MCPH1: variants seen among roughly 807,000 people sequenced by gnomAD.
The protein encoded by MCPH1 is microcephalin 1.
A neutral mutation model predicts 84.5 loss-of-function variants in MCPH1; 104 were observed. The observed-to-expected ratio is 1.23, with a 90% CI of 1.05 to 1.45. The LOEUF is 1.45. Among genes scored for constraint, MCPH1 ranks in the 40% most tolerant of loss-of-function variants. The pLI, the probability that MCPH1 is intolerant of heterozygous loss-of-function variation, is 0.00. For missense variants in MCPH1, 1,498 were observed against 1,005.7 expected, an observed-to-expected ratio of 1.49 and a Z score of -6.62; for synonymous variants, 514 against 366.8, an observed-to-expected ratio of 1.40 and a Z score of -4.58.
intron 3 of MCPH1, among the ~76,000 whole-genome samples, chr8:6,420,406 G>A (rs1029352926): frequency 2.0e-5 from 3 of 152,206 alleles, no homozygotes; most frequent in Non-Finnish European, 4.4e-5. Context: ...ACTTGCAGCT[G>A]TGTTGGAATT....
chr8:6,490,968 C>G (rs1000063533), intron 11 of MCPH1, among the ~76,000 whole-genome samples: 1 of 147,916 alleles, frequency 6.8e-6, no homozygotes, highest in African/African-American at 2.5e-5. Flanking sequence ...TGCTATTAAT[C>G]ATTAATAACA....
chr8:6,418,799 C>T lies in MCPH1; in HGVS notation c.233+3916C>T, dbSNP rs545580013. Among the ~76,000 whole-genome samples the T allele has an allele frequency of 2.2e-4, 34 of 152,148 alleles. No homozygotes were observed. The South Asian group carries it at 7.1e-3, about 32-fold the overall frequency. On this transcript the variant is annotated intron_variant, in intron 3 of 13. Transcript: ENST00000344683. ...GTTTCACCATGTTGGCCAGGATGAT[C>T]CTGATCTTCTGACCTCGTGATCTGC...
At chr8:6,559,497 G>A (rs1241839780) in intron 12 of MCPH1, among the ~76,000 whole-genome samples, 1 of 152,116 alleles carries the variant, frequency 6.6e-6, no homozygotes, top group African/African-American at 2.4e-5. Flanking sequence ...TTCTTGTGTT[G>A]TTTAAAAAAC....
At chr8:6,532,227 G>A in intron 12 of MCPH1, 1 of 1,292,268 alleles carries the variant, frequency 7.7e-7, no homozygotes, top group South Asian at 1.3e-5. Flanking sequence ...TCCTGTGGTG[G>A]TGCTTTCTTT....
At chr8:6,542,289 G>A (rs1049086225) in intron 12 of MCPH1, among the ~76,000 whole-genome samples, 1 of 150,272 alleles carries the variant, frequency 6.7e-6, no homozygotes, top group Non-Finnish European at 1.5e-5. Context: ...ATGTGAGGTA[G>A]GGGTGTGTGT....
chr8:6,431,071 CA>C (rs1232886436), intron 3 of MCPH1, among the ~76,000 whole-genome samples: 1 of 152,194 alleles, frequency 6.6e-6, no homozygotes, highest in Non-Finnish European at 1.5e-5. Flanking sequence ...ACAAAAAGGA[CA>C]ACCCAATTTT....
At chr8:6,458,714 G>T (rs3020278) in intron 9 of MCPH1, among the ~76,000 whole-genome samples, 29 of 151,800 alleles carry the variant, frequency 1.9e-4, no homozygotes, top group African/African-American at 6.3e-4. Flanking sequence ...GTGTTATCTC[G>T]GCTCACTGCA....
chr8:6,443,400 G>A (rs1472814967), intron 7 of MCPH1, among the ~76,000 whole-genome samples: 2 of 152,218 alleles, frequency 1.3e-5, no homozygotes, highest in African/African-American at 2.4e-5. Flanking sequence ...AGACACCTGG[G>A]GCACAGTTGG....
At chr8:6,461,311 C>T (rs1291526929) in intron 9 of MCPH1, among the ~76,000 whole-genome samples, 1 of 136,062 alleles carries the variant, frequency 7.3e-6, no homozygotes, top group African/African-American at 2.7e-5. Flanking sequence ...ATACTTGTTT[C>T]AAATTTGTTG....
chr8:6,449,771 C>CT (rs1371901127), intron 8 of MCPH1, among the ~76,000 whole-genome samples: 4 of 152,202 alleles, frequency 2.6e-5, no homozygotes, highest in African/African-American at 9.7e-5. Flanking sequence ...GTTTTAACCT[C>CT]TGACAGCACA....
intron 12 of MCPH1, chr8:6,514,878 C>T (rs529168473): frequency 5.6e-5 from 53 of 946,032 alleles, no homozygotes; most frequent in South Asian, 4.9e-4. Flanking sequence ...AGGACTCAGC[C>T]GAGAGGGTTC....
At chr8:6,514,503 G>A (rs911537503) in intron 12 of MCPH1, among the ~76,000 whole-genome samples, 1 of 152,118 alleles carries the variant, frequency 6.6e-6, no homozygotes, top group Non-Finnish European at 1.5e-5. Context: ...CTTTTGTTTT[G>A]ATACAGTTTA....
rs1798303779 is a variant in MCPH1, at chr8:6,648,146, G to C, written c.*5097G>C. 6.6e-6 allele frequency: 1 copy of C among 152,202 alleles called. No individual in the cohort carries two copies. The highest frequency in any genetic ancestry group is 2.4e-5 in the African/African-American group (1 of 41,442). 9.4% of individuals were successfully genotyped at this position (152,202 alleles called of 1,614,324 possible). ...CCAGCCAATACGTGGGCACAGAAAG[G>C]CACAGGGCATGGCTGATTCAGCCCA... On this transcript the variant is annotated 3_prime_UTR_variant, in exon 14 of 14. Coordinates refer to ENST00000344683, the MANE Select transcript of MCPH1 (RefSeq NM_024596.5).
intron 9 of MCPH1, among the ~76,000 whole-genome samples, chr8:6,456,291 G>A (rs1052307294): frequency 2.0e-5 from 3 of 152,172 alleles, no homozygotes; most frequent in Non-Finnish European, 4.4e-5. Flanking sequence ...GCTCTACAAT[G>A]GCGTTGCGCA....
chr8:6,490,513 C>T (rs983833356), intron 11 of MCPH1, among the ~76,000 whole-genome samples: 2 of 152,086 alleles, frequency 1.3e-5, no homozygotes, highest in South Asian at 2.1e-4. Flanking sequence ...TCTGTGAATT[C>T]GGTTTTAGGG....
intron 12 of MCPH1, among the ~76,000 whole-genome samples, chr8:6,526,480 A>G (rs1818369359): frequency 6.6e-6 from 1 of 152,072 alleles, no homozygotes; most frequent in Non-Finnish European, 1.5e-5. Flanking sequence ...GGATTGTTAT[A>G]TCTCAATGAT....
At chr8:6,428,769 AG>A (rs1222828375) in intron 3 of MCPH1, among the ~76,000 whole-genome samples, 10 of 151,906 alleles carry the variant, frequency 6.6e-5, no homozygotes, top group African/African-American at 1.9e-4. Context: ...ACACACACAC[AG>A]AAGAACTAAA....
intron 4 of MCPH1, among the ~76,000 whole-genome samples, chr8:6,433,026 C>G (rs1218401861): frequency 1.3e-5 from 2 of 152,184 alleles, no homozygotes; most frequent in African/African-American, 4.8e-5. Context: ...CACATGCATG[C>G]TTGACGTGAA....
intron 11 of MCPH1, among the ~76,000 whole-genome samples, chr8:6,486,158 T>C (rs1413465774): frequency 6.6e-6 from 1 of 152,246 alleles, no homozygotes; most frequent in African/African-American, 2.4e-5. Context: ...ATCTATGTCT[T>C]GCATATAACT....
Sources: gnomAD v4.1 joint callset for allele counts (sites outside exome capture counted in the v4.1 genomes callset) on GRCh38, gnomAD v4.1.1 for gene constraint, MANE v1.5 for transcripts, NCBI Gene and HGNC (gene_info 2026-07-23, HGNC 2026-07-21) for gene names.